The following CEP162 variants were observed in gnomAD, a reference collection of about 807,000 sequenced individuals.
The protein encoded by CEP162 is centrosomal protein of 162 kDa.
Under a neutral mutation model 169.2 loss-of-function variants are expected in CEP162, and 141 were observed. The ratio of observed to expected loss-of-function variants is 0.83; its 90% CI spans 0.73 to 0.96. The LOEUF is 0.96. CEP162 is among the 40% of genes least tolerant of loss of function. The pLI is 0.00. For synonymous variants in CEP162, 540 were observed against 526.4 expected, an observed-to-expected ratio of 1.03 and a Z score of -0.35; for missense variants, 1,600 against 1,587.2, an observed-to-expected ratio of 1.01 and a Z score of -0.14.
intron 13 of CEP162, among the ~76,000 whole-genome samples, chr6:84,177,210 C>G (rs1466527789): frequency 1.3e-5 from 2 of 152,178 alleles, no homozygotes; most frequent in African/African-American, 4.8e-5. Flanking sequence ...CTCCTCATCC[C>G]CTTCCCTAGT....
chr6:84,132,479 C>T (rs2099512002), intron 25 of CEP162, among the ~76,000 whole-genome samples: 1 of 152,212 alleles, frequency 6.6e-6, no homozygotes, highest in South Asian at 2.1e-4. Context: ...TTCAGGTACA[C>T]CAATCAGACA....
chr6:84,200,733 A>G (rs891212626), intron 9 of CEP162, 56 bp downstream of exon 9: 10 of 804,284 alleles, frequency 1.2e-5, no homozygotes, highest in Non-Finnish European at 2.2e-5. Context: ...ATGTAGTCAT[A>G]TTAGTCATAA....
intron 21 of CEP162, among the ~76,000 whole-genome samples, chr6:84,158,911 T>G (rs2099524303): frequency 6.6e-6 from 1 of 151,802 alleles, no homozygotes; most frequent in Non-Finnish European, 1.5e-5. Context: ...CAGTCTGGTA[T>G]ACAAAGTAAA....
At chr6:84,148,870 T>C (rs1008422506) in intron 24 of CEP162, among the ~76,000 whole-genome samples, 2 of 152,102 alleles carry the variant, frequency 1.3e-5, no homozygotes, top group Non-Finnish European at 2.9e-5. Flanking sequence ...TGAAAGTAGA[T>C]TGTAGATAAA....
At chr6:84,138,895 C>G (rs950537875) in intron 25 of CEP162, among the ~76,000 whole-genome samples, 5 of 152,160 alleles carry the variant, frequency 3.3e-5, no homozygotes, top group African/African-American at 9.7e-5. Context: ...GCTGAACTAG[C>G]CTTTCAACTA....
At chr6:84,173,130 C>A (rs1489510231) in intron 16 of CEP162, among the ~76,000 whole-genome samples, 1 of 152,100 alleles carries the variant, frequency 6.6e-6, no homozygotes, top group Non-Finnish European at 1.5e-5. Flanking sequence ...AAGAGCATTA[C>A]AGGAAACTAA....
chr6:84,170,247 G>C (rs1236930373), intron 17 of CEP162, among the ~76,000 whole-genome samples: 1 of 151,742 alleles, frequency 6.6e-6, no homozygotes, highest in Non-Finnish European at 1.5e-5. Context: ...GGTGGCGGGT[G>C]CCTGTAGTCC....
At chr6:84,149,201 G>C (rs2129199996) in intron 24 of CEP162, among the ~76,000 whole-genome samples, 1 of 152,148 alleles carries the variant, frequency 6.6e-6, no homozygotes, top group East Asian at 1.9e-4. Flanking sequence ...GGGACTTGGG[G>C]ACTCGGTTCA....
At chr6:84,136,260 C>T (rs1434696505) in intron 25 of CEP162, among the ~76,000 whole-genome samples, 1 of 152,194 alleles carries the variant, frequency 6.6e-6, no homozygotes, top group Non-Finnish European at 1.5e-5. Flanking sequence ...CTGTTTTCTG[C>T]TGGTATAACC....
chr6:84,154,893 C>A (rs898075854), intron 22 of CEP162, among the ~76,000 whole-genome samples: 2 of 152,078 alleles, frequency 1.3e-5, no homozygotes, highest in African/African-American at 4.8e-5. Flanking sequence ...CTCCCCTACC[C>A]GCTGTTCCTA....
In CEP162 at chr6:84,149,622, A is replaced by AT; in HGVS notation, c.3710dup (p.Asn1237LysfsTer12). On this transcript the variant is annotated frameshift_variant, in exon 24 of 27. Coordinates refer to ENST00000403245, the MANE Select transcript of CEP162 (RefSeq NM_014895.4). LOFTEE classifies it high-confidence loss of function. Reference sequence around the variant, plus strand: ...CTTTGGAAGAAGAATTTTCTACTGCATTTTGGCAAAGGAGTTTCTCTATTT... The same window carrying AT: ...CTTTGGAAGAAGAATTTTCTACTGCATTTTTGGCAAAGGAGTTTCTCTATTT... 2.5e-6 allele frequency: 4 copies of AT among 1,606,134 alleles called. No individual in the cohort carries two copies. The highest frequency in any genetic ancestry group is 3.4e-6 in the Non-Finnish European group (4 of 1,175,756).
intron 2 of CEP162, among the ~76,000 whole-genome samples, chr6:84,224,822 T>C (rs2099555085): frequency 6.6e-6 from 1 of 152,194 alleles, no homozygotes; most frequent in Admixed American, 6.5e-5. Flanking sequence ...AATAAAAACA[T>C]CTTCTAAAAG....
chr6:84,151,510 A>G (rs761962029), intron 23 of CEP162, among the ~76,000 whole-genome samples: 3 of 152,176 alleles, frequency 2.0e-5, no homozygotes, highest in Non-Finnish European at 4.4e-5. Flanking sequence ...AAGCAATCCA[A>G]TAAATAGTTC....
intron 2 of CEP162, 131 bp from the exon 3 acceptor site, chr6:84,221,302 A>G (rs1019169035): frequency 4.1e-6 from 2 of 487,678 alleles, no homozygotes; most frequent in Non-Finnish European, 3.6e-6. Flanking sequence ...ATTCTCATCA[A>G]TAACGTATAA....
intron 9 of CEP162, among the ~76,000 whole-genome samples, chr6:84,196,292 G>A (rs9449835): frequency 0.061 from 9,215 of 152,130 alleles, 908 homozygotes; most frequent in African/African-American, 0.21. Flanking sequence ...TTTGCCTGCC[G>A]CTATCCATGT....
At chr6:84,161,477 A>G (rs2099525737) in intron 20 of CEP162, among the ~76,000 whole-genome samples, 1 of 152,178 alleles carries the variant, frequency 6.6e-6, no homozygotes, top group Non-Finnish European at 1.5e-5. Flanking sequence ...GCTGGAGAAG[A>G]GTGACTCAGG....
Position 84,185,408 on chromosome 6 carries a change from A to C in CEP162, c.1442T>G (p.Val481Gly). Residue 481 changes from valine (V) to glycine (G), a missense_variant, in exon 13 of 27, where the codon GTA (valine) becomes GGA (glycine). Val to Gly is a moderately radical substitution (Grantham distance 109, BLOSUM62 -3). Transcript: ENST00000403245. Reference sequence around the variant, plus strand: ...CTTGTATGGTACCTGTTTACCCATTACAGCCCCTTCTTCTTCAGAACTAAG... The same window carrying C: ...CTTGTATGGTACCTGTTTACCCATTCCAGCCCCTTCTTCTTCAGAACTAAG... ...SQLSSEEEGA[V>G]MGKQVPYKKA... 1 of 1,613,550 alleles carries C rather than the reference A, an allele frequency of 6.2e-7. No individual in the cohort carries two copies. The highest frequency in any genetic ancestry group is 1.1e-5 in the South Asian group (1 of 91,062).
At chr6:84,205,006 C>T (rs539945646) in intron 6 of CEP162, among the ~76,000 whole-genome samples, 1 of 152,150 alleles carries the variant, frequency 6.6e-6, no homozygotes, top group Admixed American at 6.5e-5. Flanking sequence ...CACATACACC[C>T]TCCCAAGACT....
chr6:84,174,939 AG>A lies in CEP162; in HGVS notation c.1812del (p.Cys605ValfsTer28), dbSNP rs1282628812. On this transcript the variant is annotated frameshift_variant, in exon 15 of 27. Coordinates refer to ENST00000403245, the MANE Select transcript of CEP162 (RefSeq NM_014895.4). LOFTEE classifies it high-confidence loss of function. ...AATTTCTTCTCCTTGTTCTCACCAC[AG>A]TATCCTAAGGAATCCTTTCAAGACA... ...CIQFQTDSLG[Y>X]CGENKEKKLL... The A allele has an allele frequency of 2.5e-6, 4 of 1,598,674 alleles. No homozygotes were observed. The highest frequency in any genetic ancestry group is 2.6e-6 in the Non-Finnish European group (3 of 1,171,544).
Sources: allele counts gnomAD v4.1 joint callset (sites outside exome capture counted in the v4.1 genomes callset), GRCh38; gene constraint gnomAD v4.1.1; transcripts MANE v1.5; gene names NCBI Gene and HGNC (gene_info 2026-07-23, HGNC 2026-07-21).